The following CDH12 variants were observed in gnomAD, a reference collection of about 807,000 sequenced individuals.
The protein encoded by CDH12 is cadherin-12.
A neutral mutation model predicts 74.1 loss-of-function variants in CDH12; 41 were observed. The observed-to-expected ratio is 0.55, with a 90% CI of 0.43 to 0.72. The LOEUF (loss-of-function observed/expected upper bound fraction) is 0.72, where lower values mean the gene tolerates loss of function less well. Among genes scored for constraint, CDH12 ranks in the 30% least tolerant of loss-of-function variants. CDH12 has a pLI of 0.00. For synonymous variants in CDH12, 399 were observed against 355.0 expected (o/e 1.12, Z -1.39); for missense variants, 945 against 977.2 (o/e 0.97, Z 0.44).
chr5:22,620,555 T>C (rs578204604), intron 1 of CDH12, among the ~76,000 whole-genome samples: 7 of 152,078 alleles, frequency 4.6e-5, no homozygotes, highest in Admixed American at 3.3e-4. Context: ...ATATAGAAAA[T>C]AGAAAAAGCA....
At chr5:22,051,822 C>G (rs1355196296) in intron 5 of CDH12, among the ~76,000 whole-genome samples, 1 of 151,748 alleles carries the variant, frequency 6.6e-6, no homozygotes, top group Non-Finnish European at 1.5e-5. Flanking sequence ...AGAAAAAGAG[C>G]TGGACAGCCC....
chr5:21,933,499 A>T (rs865785607), intron 6 of CDH12, among the ~76,000 whole-genome samples: 7 of 152,330 alleles, frequency 4.6e-5, no homozygotes, highest in Non-Finnish European at 7.4e-5. Context: ...TGGGCATATC[A>T]AGATTCATTG....
At chr5:22,557,413 T>G (rs1738843722) in intron 1 of CDH12, among the ~76,000 whole-genome samples, 1 of 152,078 alleles carries the variant, frequency 6.6e-6, no homozygotes, top group African/African-American at 2.4e-5. Context: ...AATGAACATT[T>G]GAGCAACGGA....
chr5:22,671,222 A>C (rs13185100), intron 1 of CDH12, among the ~76,000 whole-genome samples: 102,256 of 151,998 alleles, frequency 0.67, 34,628 homozygotes, highest in Admixed American at 0.73. Flanking sequence ...AACACATTCA[A>C]CATTCCTCAA....
At chr5:22,470,113 G>A (rs982620266) in intron 2 of CDH12, among the ~76,000 whole-genome samples, 15 of 152,124 alleles carry the variant, frequency 9.9e-5, no homozygotes, top group African/African-American at 3.6e-4. Context: ...ATGAATAATT[G>A]ATGGGCACTG....
At chr5:22,233,823 C>T (rs1156310924) in intron 3 of CDH12, among the ~76,000 whole-genome samples, 1 of 152,158 alleles carries the variant, frequency 6.6e-6, no homozygotes, top group East Asian at 1.9e-4. Flanking sequence ...TTAGTTGGCA[C>T]TAAATTGGTT....
intron 6 of CDH12, among the ~76,000 whole-genome samples, chr5:21,959,936 A>T (rs1353859503): frequency 1.3e-5 from 2 of 150,712 alleles, no homozygotes; most frequent in Non-Finnish European, 3.0e-5. Flanking sequence ...AAAAAAAAAA[A>T]AAAAAAAAAG....
chr5:22,347,648 A>C (rs1740175259), intron 3 of CDH12, among the ~76,000 whole-genome samples: 1 of 152,104 alleles, frequency 6.6e-6, no homozygotes, highest in African/African-American at 2.4e-5. Context: ...TGTCCCTCTA[A>C]AGAATCCTGA....
chr5:21,807,137 C>CTT (rs1445569373), intron 9 of CDH12, among the ~76,000 whole-genome samples: 2 of 152,168 alleles, frequency 1.3e-5, no homozygotes, highest in African/African-American at 4.8e-5. Context: ...GTTTTTCACT[C>CTT]TAACCCCACC....
chr5:21,797,184 G>GTGATGATGA (rs60534561), intron 10 of CDH12, among the ~76,000 whole-genome samples: 1 of 151,208 alleles, frequency 6.6e-6, no homozygotes, highest in Non-Finnish European at 1.5e-5. Flanking sequence ...GCTGTGCTTA[G>GTGATGATGA]TGATGATGAT....
chr5:21,901,861 C>T (rs1433078892), intron 6 of CDH12, among the ~76,000 whole-genome samples: 1 of 151,984 alleles, frequency 6.6e-6, no homozygotes, highest in Non-Finnish European at 1.5e-5. Flanking sequence ...ATTTCCTTCA[C>T]AAGTTTTGCT....
intron 1 of CDH12, among the ~76,000 whole-genome samples, chr5:22,562,827 A>C (rs1739118090): frequency 6.7e-6 from 1 of 148,994 alleles, no homozygotes; most frequent in South Asian, 2.1e-4. Flanking sequence ...TTATGAAATT[A>C]TTTGAAAAAT....
intron 2 of CDH12, among the ~76,000 whole-genome samples, chr5:22,427,826 G>C (rs1395051606): frequency 1.3e-5 from 2 of 152,156 alleles, no homozygotes; most frequent in Non-Finnish European, 2.9e-5. Flanking sequence ...TTCCCAAGCT[G>C]TATAGGACAC....
At chr5:22,775,589 G>A (rs1169724466) in intron 1 of CDH12, among the ~76,000 whole-genome samples, 1 of 151,852 alleles carries the variant, frequency 6.6e-6, no homozygotes, top group African/African-American at 2.4e-5. Context: ...ATTAACATTG[G>A]GGTAAATGTT....
chr5:22,218,084 C>T (rs1455647025), intron 3 of CDH12, among the ~76,000 whole-genome samples: 1 of 151,642 alleles, frequency 6.6e-6, no homozygotes, highest in African/African-American at 2.4e-5. Flanking sequence ...AAAAAAAACT[C>T]TCATTACGTC....
chr5:22,632,336 G>C lies in CDH12; in HGVS notation c.-522-126972C>G, dbSNP rs573905328. Among the ~76,000 whole-genome samples the C allele has an allele frequency of 5.3e-5, 8 of 152,110 alleles. 1 individual carries two copies. The South Asian group carries it at 1.7e-3, about 32-fold the overall frequency. ...TCAGGAGTTCCTTGTAGCAATGTGA[G>C]AATGCGCTAATACATTAAATAAATA... On this transcript the variant is annotated intron_variant, in intron 1 of 14. Transcript: ENST00000382254.
intron 2 of CDH12, among the ~76,000 whole-genome samples, chr5:22,444,457 T>C (rs1447206091): frequency 2.0e-5 from 3 of 152,072 alleles, no homozygotes; most frequent in Admixed American, 2.0e-4. Flanking sequence ...TGAAATGATA[T>C]GAAAAGGCAA....
chr5:22,336,872 A>G (rs1211401632), intron 3 of CDH12, among the ~76,000 whole-genome samples: 1 of 152,138 alleles, frequency 6.6e-6, no homozygotes, highest in Non-Finnish European at 1.5e-5. Flanking sequence ...CAACCCTCAA[A>G]CCCCATAATG....
intron 3 of CDH12, among the ~76,000 whole-genome samples, chr5:22,290,288 C>T (rs1402238852): frequency 1.3e-5 from 2 of 151,990 alleles, no homozygotes; most frequent in Non-Finnish European, 2.9e-5. Flanking sequence ...CAGTGACTGA[C>T]CCCAAAACAT....
Sources: gnomAD v4.1 joint callset for allele counts (sites outside exome capture counted in the v4.1 genomes callset) on GRCh38, gnomAD v4.1.1 for gene constraint, MANE v1.5 for transcripts, NCBI Gene and HGNC (gene_info 2026-07-23, HGNC 2026-07-21) for gene names.